The following ADK variants were observed in gnomAD, a reference collection of about 807,000 sequenced individuals.
ADK encodes N6,N6-dimethyladenosine kinase.
ADK carries 24 observed loss-of-function variants against 44.7 expected under a neutral mutation model. That is an observed-to-expected ratio of 0.54 (90% confidence interval 0.39 to 0.76). The LOEUF is 0.76. ADK is among the 30% of genes least tolerant of loss of function. The pLI is 0.00. For missense variants in ADK, 321 were observed against 425.1 expected (o/e 0.76, Z 2.15); for synonymous variants, 128 against 142.6 (o/e 0.90, Z 0.73).
chr10:74,705,663 T>C (rs967234259), intron 10 of ADK, among the ~76,000 whole-genome samples: 58 of 152,220 alleles, frequency 3.8e-4, no homozygotes, highest in Non-Finnish European at 7.5e-4. Context: ...TACCTAGAAA[T>C]AGAACGGATC....
At chr10:74,670,584 G>A (rs1013357665) in intron 10 of ADK, among the ~76,000 whole-genome samples, 3 of 152,248 alleles carry the variant, frequency 2.0e-5, no homozygotes, top group Middle Eastern at 6.8e-3. Flanking sequence ...AGCCCTTCAG[G>A]CTTAAATGTT....
chr10:74,466,415 C>T (rs1432986078), intron 6 of ADK, among the ~76,000 whole-genome samples: 1 of 152,186 alleles, frequency 6.6e-6, no homozygotes, highest in Non-Finnish European at 1.5e-5. Context: ...TCAGTCCCTA[C>T]TTACCTATCC....
intron 2 of ADK, among the ~76,000 whole-genome samples, chr10:74,217,493 T>C (rs1365016957): frequency 1.3e-5 from 2 of 152,228 alleles, no homozygotes; most frequent in African/African-American, 4.8e-5. Context: ...TATATGTCCC[T>C]GTCTGACAGC....
chr10:74,296,069 T>C (rs1250935685), intron 3 of ADK, among the ~76,000 whole-genome samples: 1 of 36,670 alleles, frequency 2.7e-5, no homozygotes, highest in Non-Finnish European at 1.0e-4. Context: ...TTAGCTCCTT[T>C]TTTTTTTTTT....
chr10:74,419,169 G>A (rs1844471133), intron 6 of ADK, among the ~76,000 whole-genome samples: 1 of 152,066 alleles, frequency 6.6e-6, no homozygotes, highest in Admixed American at 6.6e-5. Flanking sequence ...ATAGAGTCTT[G>A]TATTTACACT....
intron 6 of ADK, among the ~76,000 whole-genome samples, chr10:74,437,641 A>G (rs1592213220): frequency 6.6e-6 from 1 of 152,220 alleles, no homozygotes; most frequent in East Asian, 1.9e-4. Context: ...CTACTGCTAT[A>G]GTCTCCTGAC....
intron 6 of ADK, among the ~76,000 whole-genome samples, chr10:74,517,678 G>C (rs1468083376): frequency 6.8e-6 from 1 of 147,828 alleles, no homozygotes; most frequent in Non-Finnish European, 1.5e-5. Context: ...AACTGGGCGA[G>C]TCTCTGTCTC....
intron 3 of ADK, among the ~76,000 whole-genome samples, chr10:74,284,391 A>C (rs756669951): frequency 4.6e-5 from 7 of 151,132 alleles, no homozygotes; most frequent in Non-Finnish European, 1.0e-4. Flanking sequence ...CAGCCTCCCA[A>C]GTAGCTGGGA....
intron 7 of ADK, among the ~76,000 whole-genome samples, chr10:74,546,393 ATC>A (rs1163063254): frequency 1.3e-5 from 2 of 152,088 alleles, no homozygotes; most frequent in Non-Finnish European, 2.9e-5. Flanking sequence ...AAATATTCTC[ATC>A]TCTGTTTTTT....
At chr10:74,388,152 C>T (rs929427028) in intron 4 of ADK, among the ~76,000 whole-genome samples, 1 of 152,196 alleles carries the variant, frequency 6.6e-6, no homozygotes, top group African/African-American at 2.4e-5. Context: ...GGTGATCTGC[C>T]TGCCTCGGCT....
At chr10:74,205,279 C>T (rs1179015922) in intron 2 of ADK, among the ~76,000 whole-genome samples, 1 of 151,974 alleles carries the variant, frequency 6.6e-6, no homozygotes, top group African/African-American at 2.4e-5. Flanking sequence ...AATACAAATT[C>T]ATAATGAAAG....
intron 9 of ADK, among the ~76,000 whole-genome samples, chr10:74,635,648 T>A (rs1853600045): frequency 6.6e-6 from 1 of 152,150 alleles, no homozygotes. Context: ...GGTCACTTGT[T>A]GGCTACATTA....
chr10:74,598,440 C>CTTTTTTTTTTTTTTT (rs367982701), intron 8 of ADK, among the ~76,000 whole-genome samples: 1 of 114,072 alleles, frequency 8.8e-6, no homozygotes. Context: ...GAATCTTATT[C>CTTTTTTTTTTTTTTT]CTTTTTTTTT....
Position 74,584,911 on chromosome 10 carries a change from T to C in ADK, c.727-4371T>C, listed in dbSNP as rs527572859. ...AATTGCAGTGAGTATGGGCAAGTTA[T>C]GGTTTTAGTTTAATATTGATTATAG... On this transcript the variant is annotated intron_variant, in intron 7 of 10. Coordinates refer to ENST00000539909, the MANE Select transcript of ADK (RefSeq NM_006721.4). 2.0e-5 allele frequency among the ~76,000 whole-genome samples: 3 copies of C among 152,354 alleles called. No individual in the cohort carries two copies. The East Asian group carries it at 5.8e-4, about 29-fold the overall frequency.
chr10:74,598,323 C>T (rs1029772432), intron 8 of ADK, among the ~76,000 whole-genome samples: 7 of 132,116 alleles, frequency 5.3e-5, no homozygotes, highest in Non-Finnish European at 1.1e-4. Context: ...CCTTTAATTG[C>T]CATTTTATGA....
chr10:74,177,493 A>G lies in ADK; in HGVS notation c.66-23271A>G, dbSNP rs143702098. On this transcript the variant is annotated intron_variant, in intron 1 of 10. Transcript: ENST00000539909. The stretch of plus-strand genomic sequence containing the variant: ...ACTGGGCATGTAGCGAAATCCATGA[A>G]ACTGGAGACTTTCCCCCAATTGCTC... Among the ~76,000 whole-genome samples the G allele has an allele frequency of 5.9e-5, 9 of 152,246 alleles. No homozygotes were observed. In the East Asian group the frequency reaches 1.7e-3, roughly 29 times the overall value.
rs113817293 is a variant in ADK, at chr10:74,588,874, G to T, written c.727-408G>T. On this transcript the variant is annotated intron_variant, in intron 7 of 10. Coordinates refer to ENST00000539909, the MANE Select transcript of ADK (RefSeq NM_006721.4). Reference sequence around the variant, plus strand: ...AATTTCGTTATGAGGATTGCAAAAAGATGATTTTTCTGAATTTATACATTT... The same window carrying T: ...AATTTCGTTATGAGGATTGCAAAAATATGATTTTTCTGAATTTATACATTT... 2.6e-3 allele frequency among the ~76,000 whole-genome samples: 394 copies of T among 152,262 alleles called. 3 individuals carry two copies. The highest frequency in any genetic ancestry group is 9.1e-3 in the African/African-American group (377 of 41,556).
intron 9 of ADK, among the ~76,000 whole-genome samples, chr10:74,617,289 G>A (rs988344265): frequency 6.6e-6 from 1 of 152,060 alleles, no homozygotes; most frequent in Non-Finnish European, 1.5e-5. Context: ...TTATCAAAAA[G>A]GATAATGTTT....
Position 74,202,449 on chromosome 10 carries a change from A to T in ADK, c.140+1611A>T, listed in dbSNP as rs995182177. Among the ~76,000 whole-genome samples, 3 of 152,126 alleles carry T rather than the reference A, an allele frequency of 2.0e-5. No homozygotes were observed. The East Asian group carries it at 5.8e-4, about 29-fold the overall frequency. ...TTCATGTATAAGCTTTTGTGTAGGA[A>T]TGTGTTTTCATTTCTCTTGGGTATA... On this transcript the variant is annotated intron_variant, in intron 2 of 10. Coordinates refer to ENST00000539909, the MANE Select transcript of ADK (RefSeq NM_006721.4).
Sources: allele counts gnomAD v4.1 joint callset (sites outside exome capture counted in the v4.1 genomes callset), GRCh38; gene constraint gnomAD v4.1.1; transcripts MANE v1.5; gene names NCBI Gene and HGNC (gene_info 2026-07-23, HGNC 2026-07-21).